Variants in MITF observed in about 807,000 individuals in gnomAD.
MITF encodes the protein microphthalmia-associated transcription factor.
In MITF, 17 loss-of-function variants were observed where a neutral mutation model predicts 60.5. The observed-to-expected ratio is 0.28, with a 90% CI of 0.19 to 0.42. The LOEUF is 0.42. Ranked by LOEUF, MITF falls within the 10% of genes least tolerant of loss-of-function variation. The probability of loss-of-function intolerance (pLI) is 1.00; values close to 1 mark genes in which losing one functional copy is unlikely to be tolerated. For synonymous variants in MITF, 260 were observed against 248.5 expected, an observed-to-expected ratio of 1.05 and a Z score of -0.43; for missense variants, 622 against 683.5, an observed-to-expected ratio of 0.91 and a Z score of 1.00.
chr3:69,954,323 CAAAT>C (rs2107525786), intron 7 of MITF, among the ~76,000 whole-genome samples: 1 of 152,258 alleles, frequency 6.6e-6, no homozygotes, highest in African/African-American at 2.4e-5. Context: ...ATAAACATAA[CAAAT>C]AGATCAATGG....
At chr3:69,839,491 T>G (rs1199986850) in intron 1 of MITF, among the ~76,000 whole-genome samples, 2 of 152,060 alleles carry the variant, frequency 1.3e-5, no homozygotes, top group Non-Finnish European at 2.9e-5. Context: ...TTTATCTTCT[T>G]GTCTATTTTA....
chr3:69,888,517 G>A (rs1164694774), intron 2 of MITF, among the ~76,000 whole-genome samples: 1 of 151,298 alleles, frequency 6.6e-6, no homozygotes, highest in African/African-American at 2.4e-5. Context: ...TGGGAAATAA[G>A]TACGGGATAA....
In MITF at chr3:69,901,300, C is replaced by T. The variant is rs183783391; in HGVS notation, c.354+21917C>T. On this transcript the variant is annotated intron_variant, in intron 2 of 9. Transcript: ENST00000352241. Reference sequence around the variant, plus strand: ...GTTGTATTTAGCTTCATTTAGAGCCCTTTTCCTAAATATAGTGTGTTGTTA... The same window carrying T: ...GTTGTATTTAGCTTCATTTAGAGCCTTTTTCCTAAATATAGTGTGTTGTTA... Among the ~76,000 whole-genome samples, 1,367 of 151,714 alleles carry T rather than the reference C, an allele frequency of 9.0e-3. 11 individuals are homozygous for T. The highest frequency in any genetic ancestry group is 0.028 in the Middle Eastern group (8 of 288).
intron 2 of MITF, among the ~76,000 whole-genome samples, chr3:69,890,032 A>G (rs2064723517): frequency 6.6e-6 from 1 of 152,080 alleles, no homozygotes; most frequent in Non-Finnish European, 1.5e-5. Context: ...CGAATATAAA[A>G]ATTATTATCT....
intron 1 of MITF, among the ~76,000 whole-genome samples, chr3:69,756,353 A>G (rs1205686948): frequency 6.6e-6 from 1 of 152,020 alleles, no homozygotes; most frequent in Non-Finnish European, 1.5e-5. Flanking sequence ...CTCATTGTTC[A>G]ACTCCCACTT....
chr3:69,790,437 A>G (rs1183194005), intron 1 of MITF, among the ~76,000 whole-genome samples: 3 of 152,226 alleles, frequency 2.0e-5, no homozygotes, highest in Non-Finnish European at 2.9e-5. Context: ...ATTAACATCA[A>G]TGAACTGTAT....
intron 1 of MITF, among the ~76,000 whole-genome samples, chr3:69,822,340 G>A (rs918426342): frequency 1.3e-5 from 2 of 152,144 alleles, no homozygotes; most frequent in African/African-American, 2.4e-5. Context: ...GCTGGCCCCT[G>A]GTTTAGAATG....
intron 1 of MITF, among the ~76,000 whole-genome samples, chr3:69,863,983 T>C (rs1472427797): frequency 6.6e-6 from 1 of 152,218 alleles, no homozygotes; most frequent in Non-Finnish European, 1.5e-5. Flanking sequence ...CTCATTTCTC[T>C]TAGTTCTCTA....
chr3:69,810,923 T>C (rs1178519451), intron 1 of MITF, among the ~76,000 whole-genome samples: 1 of 152,222 alleles, frequency 6.6e-6, no homozygotes, highest in East Asian at 1.9e-4. Context: ...AAAATTTGGA[T>C]AAAACTTTGA....
At chr3:69,845,139 A>G (rs2107154344) in intron 1 of MITF, among the ~76,000 whole-genome samples, 1 of 152,016 alleles carries the variant, frequency 6.6e-6, no homozygotes, top group African/African-American at 2.4e-5. Flanking sequence ...TGTTTCCTTC[A>G]TTCTATTTTC....
At chr3:69,832,604 A>T (rs940427669) in intron 1 of MITF, among the ~76,000 whole-genome samples, 3 of 152,150 alleles carry the variant, frequency 2.0e-5, no homozygotes, top group African/African-American at 7.2e-5. Flanking sequence ...ATGACATTGT[A>T]CGCAATTGTT....
intron 1 of MITF, among the ~76,000 whole-genome samples, chr3:69,871,773 T>C (rs966438078): frequency 2.0e-5 from 3 of 152,222 alleles, no homozygotes. Context: ...ATTATTTGAG[T>C]ACAAACAGAA....
chr3:69,930,537 A>T (rs2065696323), intron 2 of MITF, among the ~76,000 whole-genome samples: 1 of 152,154 alleles, frequency 6.6e-6, no homozygotes, highest in Non-Finnish European at 1.5e-5. Context: ...CGTCAATGTC[A>T]TACTCTGTGA....
chr3:69,800,967 A>G (rs775524145), intron 1 of MITF, among the ~76,000 whole-genome samples: 1 of 152,172 alleles, frequency 6.6e-6, no homozygotes, highest in Non-Finnish European at 1.5e-5. Flanking sequence ...TATAAATTAT[A>G]GAAACCTCTC....
At chr3:69,932,763 CT>C (rs2065751537) in intron 2 of MITF, among the ~76,000 whole-genome samples, 1 of 152,102 alleles carries the variant, frequency 6.6e-6, no homozygotes, top group Non-Finnish European at 1.5e-5. Flanking sequence ...CAGATGTGAC[CT>C]TTTGCAAGAC....
At chr3:69,780,143 T>C (rs984596714) in intron 1 of MITF, among the ~76,000 whole-genome samples, 2 of 152,062 alleles carry the variant, frequency 1.3e-5, no homozygotes, top group African/African-American at 2.4e-5. Flanking sequence ...GATGATCTAA[T>C]AGAGACAGGG....
At chr3:69,908,298 A>G (rs966544690) in intron 2 of MITF, among the ~76,000 whole-genome samples, 1 of 152,326 alleles carries the variant, frequency 6.6e-6, no homozygotes, top group Non-Finnish European at 1.5e-5. Context: ...TGAAAAGTGA[A>G]GAATAATTTC....
At chr3:69,890,903 A>G (rs1369852177) in intron 2 of MITF, among the ~76,000 whole-genome samples, 4 of 152,188 alleles carry the variant, frequency 2.6e-5, no homozygotes. Flanking sequence ...GAGCCTATAA[A>G]GTCACATTCT....
In MITF at chr3:69,756,178, C is replaced by T. The variant is rs538165707; in HGVS notation, c.104+16477C>T. ...ATGTGCAGAATGTGCAGGTTTGTTA[C>T]ATAAGTATACATGTGCCATGGTGGT... On this transcript the variant is annotated intron_variant, in intron 1 of 9. Transcript: ENST00000352241. Among the ~76,000 whole-genome samples, 53 of 151,946 alleles carry T rather than the reference C, an allele frequency of 3.5e-4. 1 individual carries two copies. The South Asian group carries it at 6.0e-3, about 17-fold the overall frequency.
Sources: allele counts gnomAD v4.1 joint callset (sites outside exome capture counted in the v4.1 genomes callset), GRCh38; gene constraint gnomAD v4.1.1; transcripts MANE v1.5; gene names NCBI Gene and HGNC (gene_info 2026-07-23, HGNC 2026-07-21).